The following PIAS1 variants were observed in gnomAD, a reference collection of about 807,000 sequenced individuals.
The protein encoded by PIAS1 is protein inhibitor of activated STAT 1, also known as E3 SUMO-protein ligase PIAS1.
In PIAS1, 6 loss-of-function variants were observed where a neutral mutation model predicts 71.3. That is an observed-to-expected ratio of 0.08 (90% CI 0.05 to 0.17). The LOEUF is 0.17. Ranked by LOEUF, PIAS1 falls within the 10% of genes least tolerant of loss-of-function variation. PIAS1 has a pLI of 1.00. For synonymous variants in PIAS1, 303 were observed against 292.9 expected, an observed-to-expected ratio of 1.03 and a Z score of -0.35; for missense variants, 555 against 793.6, an observed-to-expected ratio of 0.70 and a Z score of 3.61.
At chr15:68,181,843 C>T (rs1030212832) in intron 12 of PIAS1, 9 of 155,520 alleles carry the variant, frequency 5.8e-5, no homozygotes, top group Non-Finnish European at 1.0e-4. Context: ...CCACACCAGG[C>T]TAATGTTTTA....
chr15:68,161,303 C>G (rs1329272405), intron 7 of PIAS1, among the ~76,000 whole-genome samples: 1 of 152,086 alleles, frequency 6.6e-6, no homozygotes, highest in African/African-American at 2.4e-5. Context: ...TGAAAGAAGA[C>G]CTGCATAAAC....
chr15:68,146,722 C>T, intron 6 of PIAS1, 22 bp downstream of exon 6: 1 of 1,592,190 alleles, frequency 6.3e-7, no homozygotes, highest in African/African-American at 1.3e-5. Flanking sequence ...TTTGTTTCTA[C>T]CAGATTTTTG....
chr15:68,070,176 A>G lies in PIAS1; in HGVS notation c.24+15826A>G, dbSNP rs553624652. 3.6e-4 allele frequency among the ~76,000 whole-genome samples: 55 copies of G among 152,320 alleles called. No individual in the cohort carries two copies. In the South Asian group the frequency reaches 1.0e-2, roughly 28 times the overall value. On this transcript the variant is annotated intron_variant, in intron 1 of 13. Coordinates refer to ENST00000249636, the MANE Select transcript of PIAS1 (RefSeq NM_016166.3). ...CGACTGTGGATGTAAAATAACATCC[A>G]TCTGCATGAGTGCATGCATTCTTTT...
At chr15:68,092,650 G>A (rs2092342621) in intron 2 of PIAS1, among the ~76,000 whole-genome samples, 1 of 152,142 alleles carries the variant, frequency 6.6e-6, no homozygotes, top group Non-Finnish European at 1.5e-5. Context: ...AGGTAATGAG[G>A]GCGTGGCCCT....
intron 4 of PIAS1, 27 bp from the exon 5 acceptor site, chr15:68,145,789 A>G: frequency 7.6e-7 from 1 of 1,313,516 alleles, no homozygotes; most frequent in Non-Finnish European, 1.1e-6. Flanking sequence ...TTAATAAAGG[A>G]AATTAAACTT....
intron 2 of PIAS1, among the ~76,000 whole-genome samples, chr15:68,105,959 G>A (rs993673332): frequency 6.6e-6 from 1 of 151,988 alleles, no homozygotes; most frequent in Admixed American, 6.6e-5. Context: ...CTTTTTAGAT[G>A]CTTAAGAAAT....
chr15:68,142,355 G>A lies in PIAS1; in HGVS notation c.602+18G>A. The A allele has an allele frequency of 6.4e-7, 1 of 1,559,706 alleles. No individual in the cohort carries two copies. Among genetic ancestry groups the A allele is most frequent in the Non-Finnish European group, 8.8e-7 (1 of 1,131,396 alleles). ...CAGTTAAGGTACAGTGCTGACTATA[G>A]GATATATTCAAAGTTTAAAAGATAA... On this transcript the variant is annotated intron_variant, in intron 4 of 13. Transcript: ENST00000249636.
chr15:68,170,838 G>A (rs1478877543), intron 8 of PIAS1, among the ~76,000 whole-genome samples: 3 of 151,906 alleles, frequency 2.0e-5, no homozygotes, highest in Non-Finnish European at 2.9e-5. Context: ...ACGGAGTTGC[G>A]CCATGTTGGC....
At chr15:68,056,492 ATC>A (rs776071841) in intron 1 of PIAS1, among the ~76,000 whole-genome samples, 1 of 152,100 alleles carries the variant, frequency 6.6e-6, no homozygotes, top group Non-Finnish European at 1.5e-5. Context: ...GCTCTCCCAA[ATC>A]TACTAGAGTT....
Position 68,178,740 on chromosome 15 carries a change from C to T in PIAS1, c.1481+2086C>T, listed in dbSNP as rs2093035072. On this transcript the variant is annotated intron_variant, in intron 11 of 13. Coordinates refer to ENST00000249636, the MANE Select transcript of PIAS1 (RefSeq NM_016166.3). This position sits in a 1 kb window ranked among gnomAD's most constrained non-coding sequence, Gnocchi z 4.2. ...ATATATATTTGTTCTGTTCTTTAGA[C>T]TATTAATAGTAATATGTATTTATGT... Among the ~76,000 whole-genome samples, 1 of 151,958 alleles carries T rather than the reference C, an allele frequency of 6.6e-6. No homozygotes were observed. Among genetic ancestry groups the T allele is most frequent in the South Asian group, 2.1e-4 (1 of 4,820 alleles).
Position 68,175,695 on chromosome 15 carries a change from G to A in PIAS1, c.1228G>A (p.Asp410Asn), listed in dbSNP as rs761343164. The A allele has an allele frequency of 2.5e-6, 4 of 1,602,650 alleles. No individual in the cohort carries two copies. In the South Asian group the frequency reaches 4.5e-5, roughly 18 times the overall value. Residue 410 changes from aspartate (D) to asparagine (N), a missense_variant, in exon 10 of 14, where the codon GAT becomes AAT. Coordinates refer to ENST00000249636, the MANE Select transcript of PIAS1 (RefSeq NM_016166.3). ...CTGTGATGAAATACAATTTAAGGAGGATGGCACTTGGGCACCGATGAGATC... is the reference window on the plus strand; with the variant it reads ...CTGTGATGAAATACAATTTAAGGAGAATGGCACTTGGGCACCGATGAGATC... ...TDCDEIQFKEDGTWAPMRSKK... is the reference protein window; with the variant it reads ...TDCDEIQFKENGTWAPMRSKK...
chr15:68,120,887 C>A (rs753760834), intron 2 of PIAS1, among the ~76,000 whole-genome samples: 1 of 152,022 alleles, frequency 6.6e-6, no homozygotes. Flanking sequence ...ACTCCTGACT[C>A]GGCCTCGCAA....
At chr15:68,129,259 G>C (rs996186682) in intron 2 of PIAS1, among the ~76,000 whole-genome samples, 4 of 151,920 alleles carry the variant, frequency 2.6e-5, no homozygotes, top group Non-Finnish European at 5.9e-5. Flanking sequence ...GTAGAGACAG[G>C]GTCTCACTAT....
chr15:68,134,566 C>T (rs868330057), intron 2 of PIAS1, among the ~76,000 whole-genome samples: 10 of 43,040 alleles, frequency 2.3e-4, no homozygotes, highest in Admixed American at 3.8e-4. Flanking sequence ...GTAGGGGCGG[C>T]CGGGCAGAGG....
At position 68,146,569 on chromosome 15, in the gene PIAS1, TACCTTCC is replaced by T. The variant is rs2092809736; in HGVS notation, c.702_708del (p.Pro235GlnfsTer49). 1 of 1,610,318 alleles carries T rather than the reference TACCTTCC, an allele frequency of 6.2e-7. No individual in the cohort carries two copies. Among genetic ancestry groups the T allele is most frequent in the Non-Finnish European group, 8.5e-7 (1 of 1,177,342 alleles). On this transcript the variant is annotated frameshift_variant, in exon 6 of 14. Transcript: ENST00000249636. LOFTEE classifies it high-confidence loss of function. ...ATAAATTACATTTCATTTTTAGGGT[TACCTTCC>T]ACCTACAAAAAATGGCGTGGAACCA...
chr15:68,103,046 G>A (rs1299816231), intron 2 of PIAS1, among the ~76,000 whole-genome samples: 1 of 151,970 alleles, frequency 6.6e-6, no homozygotes, highest in African/African-American at 2.4e-5. Flanking sequence ...TCCTGCCTCA[G>A]CCTTCTGAGT....
At chr15:68,115,417 C>G (rs1315926909) in intron 2 of PIAS1, among the ~76,000 whole-genome samples, 1 of 152,036 alleles carries the variant, frequency 6.6e-6, no homozygotes, top group Non-Finnish European at 1.5e-5. Context: ...TGTATAGCAT[C>G]TTCACCTTGC....
intron 2 of PIAS1, among the ~76,000 whole-genome samples, chr15:68,122,856 T>C (rs1255502754): frequency 1.3e-5 from 2 of 152,158 alleles, no homozygotes; most frequent in Non-Finnish European, 2.9e-5. Context: ...TCTGCAGTGA[T>C]TCCCTTTCAT....
At position 68,171,269 on chromosome 15, in the gene PIAS1, C is replaced by A. The variant is rs372593922; in HGVS notation, c.1009-2463C>A. Among the ~76,000 whole-genome samples the A allele has an allele frequency of 1.3e-5, 2 of 152,292 alleles. No homozygotes were observed. Among genetic ancestry groups the A allele is most frequent in the African/African-American group, 4.8e-5 (2 of 41,562 alleles). ...GCAGTAACAGACATGGAGCTGTTCT[C>A]TCTTATGGTAACAGTGCCTTCTTCT... On this transcript the variant is annotated intron_variant, in intron 8 of 13. Transcript: ENST00000249636. This position sits in a 1 kb window ranked among gnomAD's most constrained non-coding sequence, Gnocchi z 4.4.
Sources: gnomAD v4.1 joint callset for allele counts (sites outside exome capture counted in the v4.1 genomes callset) on GRCh38, gnomAD v4.1.1 for gene constraint, Gnocchi (gnomAD v3.1) non-coding constraint, MANE v1.5 for transcripts, NCBI Gene and HGNC (gene_info 2026-07-23, HGNC 2026-07-21) for gene names.